Variants in FBN2 observed in about 807,000 individuals in gnomAD.
FBN2 encodes the protein fibrillin 2.
In FBN2, 105 loss-of-function variants were observed where a neutral mutation model predicts 355.6. The observed-to-expected ratio is 0.30, with a 90% CI of 0.25 to 0.35. The LOEUF is 0.35. Ranked by LOEUF, FBN2 falls within the 10% of genes least tolerant of loss-of-function variation. The probability of loss-of-function intolerance (pLI) is 1.00; values close to 1 mark genes in which losing one functional copy is unlikely to be tolerated. For missense variants in FBN2, 3,280 were observed against 3,758.7 expected (o/e 0.87, Z 3.33); for synonymous variants, 1,350 against 1,301.2 (o/e 1.04, Z -0.81).
chr5:128,416,526 T>C (rs1753203957), intron 7 of FBN2, among the ~76,000 whole-genome samples: 1 of 152,202 alleles, frequency 6.6e-6, no homozygotes, highest in South Asian at 2.1e-4. Context: ...CTTCTTCTAG[T>C]AGTTTTATGG....
intron 11 of FBN2, among the ~76,000 whole-genome samples, chr5:128,385,207 C>T (rs1374587152): frequency 6.6e-6 from 1 of 152,088 alleles, no homozygotes; most frequent in Non-Finnish European, 1.5e-5. Flanking sequence ...CCTCACCCTC[C>T]TCCCACCTTC....
intron 4 of FBN2, among the ~76,000 whole-genome samples, chr5:128,519,891 G>A (rs911031112): frequency 3.3e-5 from 5 of 151,844 alleles, no homozygotes; most frequent in African/African-American, 2.4e-5. Context: ...GAAGCCAAGG[G>A]GGGAAAAGGT....
rs986681149 is a variant in FBN2, at chr5:128,298,657, G to A, written c.6166+2160C>T. 1.8e-4 allele frequency among the ~76,000 whole-genome samples: 28 copies of A among 152,118 alleles called. No homozygotes were observed. In the South Asian group the frequency reaches 4.8e-3, roughly 26 times the overall value. On this transcript the variant is annotated intron_variant, in intron 48 of 64. Coordinates refer to ENST00000262464, the MANE Select transcript of FBN2 (RefSeq NM_001999.4). ...CTCCTGAGGCTTCTGCATTCTTCAC[G>A]TAGTTCTCGAGCCTTGGTTTTCAGC...
intron 61 of FBN2, 131 bp from the exon 62 acceptor site, chr5:128,272,249 G>T: frequency 9.6e-7 from 1 of 1,040,214 alleles, no homozygotes; most frequent in Admixed American, 2.0e-5. Context: ...ACATAGAGAG[G>T]CTGTCATTTT....
intron 7 of FBN2, among the ~76,000 whole-genome samples, chr5:128,412,764 G>A (rs1753104091): frequency 6.6e-6 from 1 of 152,192 alleles, no homozygotes; most frequent in African/African-American, 2.4e-5. Flanking sequence ...GATGAATAGT[G>A]TCTATGAAGG....
chr5:128,354,771 G>A (rs1751458169), intron 20 of FBN2, among the ~76,000 whole-genome samples: 1 of 152,186 alleles, frequency 6.6e-6, no homozygotes, highest in Non-Finnish European at 1.5e-5. Context: ...TTGCTGAGAT[G>A]GAAATGTTCC....
chr5:128,320,190 G>T (rs746832505), intron 34 of FBN2, among the ~76,000 whole-genome samples: 14 of 152,024 alleles, frequency 9.2e-5, no homozygotes, highest in Non-Finnish European at 1.8e-4. Flanking sequence ...TACTCAAAAA[G>T]GGAATTGTAT....
chr5:128,518,412 T>A (rs116276123), intron 5 of FBN2, among the ~76,000 whole-genome samples: 1 of 152,128 alleles, frequency 6.6e-6, no homozygotes, highest in Non-Finnish European at 1.5e-5. Context: ...CCAGCATCCA[T>A]CCCTCCACCC....
chr5:128,280,151 G>A lies in FBN2; in HGVS notation c.7138+41C>T, dbSNP rs367676486. ...TTCTGTGATGACATCATGAACAGAT[G>A]TTTTATCTACCAAGTATAATATATT... On this transcript the variant is annotated intron_variant, in intron 56 of 64. Coordinates refer to ENST00000262464, the MANE Select transcript of FBN2 (RefSeq NM_001999.4). 3.2e-5 allele frequency: 51 copies of A among 1,570,194 alleles called. No homozygotes were observed. In the African/African-American group the frequency reaches 6.3e-4, roughly 20 times the overall value.
chr5:128,529,029 C>T (rs191473373), intron 3 of FBN2, among the ~76,000 whole-genome samples: 160 of 152,324 alleles, frequency 1.1e-3, no homozygotes, highest in Middle Eastern at 0.01. Context: ...AGCCATTTGC[C>T]AAGGCAGGAG....
At chr5:128,299,430 G>A (rs1352340347) in intron 48 of FBN2, among the ~76,000 whole-genome samples, 1 of 137,990 alleles carries the variant, frequency 7.2e-6, no homozygotes, top group Non-Finnish European at 1.6e-5. Context: ...CCCTCCCCCA[G>A]CCTCACAGTT....
intron 32 of FBN2, among the ~76,000 whole-genome samples, chr5:128,332,154 A>C (rs911903887): frequency 6.6e-6 from 1 of 152,240 alleles, no homozygotes; most frequent in African/African-American, 2.4e-5. Context: ...AAGAGATCTT[A>C]AAGCTATTCT....
At chr5:128,383,363 T>G (rs1752285119) in intron 11 of FBN2, among the ~76,000 whole-genome samples, 1 of 152,168 alleles carries the variant, frequency 6.6e-6, no homozygotes, top group Admixed American at 6.6e-5. Context: ...GCTAGATAAC[T>G]TCTAGAAGCA....
At chr5:128,339,163 T>TAA in intron 25 of FBN2, 102 bp from the exon 26 acceptor site, 1 of 1,198,506 alleles carries the variant, frequency 8.3e-7, no homozygotes, top group Non-Finnish European at 1.2e-6. Flanking sequence ...AATTGCTGGC[T>TAA]AACAGTACAA....
At chr5:128,438,810 A>C (rs564784053) in intron 7 of FBN2, among the ~76,000 whole-genome samples, 2 of 152,274 alleles carry the variant, frequency 1.3e-5, no homozygotes, top group African/African-American at 4.8e-5. Context: ...TGAATAAGTA[A>C]TACATTTACA....
intron 19 of FBN2, among the ~76,000 whole-genome samples, chr5:128,357,951 GT>G (rs1249789602): frequency 4.2e-4 from 64 of 151,230 alleles, no homozygotes; most frequent in African/African-American, 1.4e-3. Flanking sequence ...AGTTTGCTTA[GT>G]TTTTTTTTAA....
At chr5:128,508,411 C>T (rs1425396210) in intron 5 of FBN2, among the ~76,000 whole-genome samples, 1 of 151,762 alleles carries the variant, frequency 6.6e-6, no homozygotes, top group Non-Finnish European at 1.5e-5. Flanking sequence ...TTAATCATTA[C>T]TCTGTATTTT....
At chr5:128,423,816 A>G (rs902179346) in intron 7 of FBN2, among the ~76,000 whole-genome samples, 11 of 152,168 alleles carry the variant, frequency 7.2e-5, no homozygotes, top group African/African-American at 2.7e-4. Context: ...GCAGTGGAAC[A>G]TGTAGGAGAT....
intron 54 of FBN2, 152 bp downstream of exon 54, chr5:128,287,156 T>C: frequency 1.0e-6 from 1 of 956,862 alleles, no homozygotes; most frequent in South Asian, 1.4e-5. Context: ...ATGTGTCTTG[T>C]TATCTAGGTA....
Sources: gnomAD v4.1 joint callset for allele counts (sites outside exome capture counted in the v4.1 genomes callset) on GRCh38, gnomAD v4.1.1 for gene constraint, MANE v1.5 for transcripts, NCBI Gene and HGNC (gene_info 2026-07-23, HGNC 2026-07-21) for gene names.